Variants in SLC4A10 observed in about 807,000 individuals in gnomAD.
SLC4A10 encodes the protein sodium-driven chloride bicarbonate exchanger.
In SLC4A10, 42 loss-of-function variants were observed where a neutral mutation model predicts 137.7. The observed-to-expected ratio is 0.30, with a 90% CI of 0.24 to 0.39. The LOEUF (loss-of-function observed/expected upper bound fraction) is 0.39. SLC4A10 is among the 10% of genes least tolerant of loss of function. The probability of loss-of-function intolerance (pLI) is 1.00; values close to 1 mark genes in which losing one functional copy is unlikely to be tolerated. For missense variants in SLC4A10, 925 were observed against 1,355.0 expected (o/e 0.68, Z 4.98); for synonymous variants, 474 against 464.1 (o/e 1.02, Z -0.27).
chr2:161,859,979 T>G (rs1302402902), intron 5 of SLC4A10, among the ~76,000 whole-genome samples: 1 of 152,242 alleles, frequency 6.6e-6, no homozygotes, highest in African/African-American at 2.4e-5. Flanking sequence ...GACTTCACTC[T>G]GGACCCAACG....
In SLC4A10 at chr2:161,765,565, A is replaced by G. The variant is rs183989652; in HGVS notation, c.49-5408A>G. Among the ~76,000 whole-genome samples the G allele has an allele frequency of 1.2e-4, 18 of 150,488 alleles. No individual in the cohort carries two copies. The East Asian group carries it at 3.6e-3, about 30-fold the overall frequency. The stretch of plus-strand genomic sequence containing the variant: ...AGGAGGCAGAGGTTGCAGTGAGCTG[A>G]GATCATGCCACTGTACTCCAGCCTG... On this transcript the variant is annotated intron_variant, in intron 1 of 26. Coordinates refer to ENST00000446997, the MANE Select transcript of SLC4A10 (RefSeq NM_001178015.2).
At chr2:161,802,199 A>G (rs1190840820) in intron 2 of SLC4A10, among the ~76,000 whole-genome samples, 1 of 152,100 alleles carries the variant, frequency 6.6e-6, no homozygotes, top group Non-Finnish European at 1.5e-5. Context: ...GGTTTGCCAG[A>G]GGATTAATCT....
intron 5 of SLC4A10, among the ~76,000 whole-genome samples, chr2:161,858,693 G>A (rs1352355901): frequency 6.6e-6 from 1 of 152,114 alleles, no homozygotes; most frequent in Non-Finnish European, 1.5e-5. Flanking sequence ...AAAGATTAAT[G>A]ATGGAAATAT....
chr2:161,671,598 G>T (rs2039728682), intron 1 of SLC4A10, among the ~76,000 whole-genome samples: 1 of 152,142 alleles, frequency 6.6e-6, no homozygotes, highest in Non-Finnish European at 1.5e-5. Flanking sequence ...CTCACCACCT[G>T]GGTGACAGGA....
At chr2:161,740,408 C>T (rs1020018773) in intron 1 of SLC4A10, among the ~76,000 whole-genome samples, 83 of 152,178 alleles carry the variant, frequency 5.5e-4, no homozygotes, top group Non-Finnish European at 9.8e-4. Flanking sequence ...TGGAACTCTT[C>T]TGGGCACTGT....
At chr2:161,891,090 ATTTCT>A (rs2062858805) in intron 10 of SLC4A10, among the ~76,000 whole-genome samples, 2 of 152,098 alleles carry the variant, frequency 1.3e-5, no homozygotes, top group African/African-American at 4.8e-5. Context: ...CTGGGTTGAA[ATTTCT>A]TTTCTTTAAG....
intron 21 of SLC4A10, 43 bp from the exon 22 acceptor site, chr2:161,964,092 T>G: frequency 6.6e-7 from 1 of 1,504,314 alleles, no homozygotes; most frequent in African/African-American, 1.4e-5. Flanking sequence ...ACTTTTATTG[T>G]TGTCTTACAC....
chr2:161,959,736 A>G (rs777951100), intron 21 of SLC4A10, among the ~76,000 whole-genome samples: 5 of 152,228 alleles, frequency 3.3e-5, no homozygotes, highest in African/African-American at 7.2e-5. Context: ...GCTATCCACT[A>G]CTAAGTCCAG....
chr2:161,651,726 C>CT (rs1350423134), intron 1 of SLC4A10, among the ~76,000 whole-genome samples: 2 of 152,352 alleles, frequency 1.3e-5, no homozygotes, highest in African/African-American at 4.8e-5. Flanking sequence ...CTGGAGCTGC[C>CT]TGCCCCACCA....
At chr2:161,949,119 T>C (rs1694343823) in intron 17 of SLC4A10, 29 bp from the exon 18 acceptor site, 6 of 1,455,692 alleles carry the variant, frequency 4.1e-6, no homozygotes, top group Non-Finnish European at 5.8e-6. Context: ...ATAGCTACTT[T>C]AAGTGACAAG....
At chr2:161,696,765 T>TA (rs1485583295) in intron 1 of SLC4A10, among the ~76,000 whole-genome samples, 1 of 152,128 alleles carries the variant, frequency 6.6e-6, no homozygotes, top group African/African-American at 2.4e-5. Flanking sequence ...ACAATAAACA[T>TA]ACGTGTGCAT....
intron 1 of SLC4A10, among the ~76,000 whole-genome samples, chr2:161,639,625 C>T (rs957675249): frequency 6.6e-6 from 1 of 152,048 alleles, no homozygotes. Flanking sequence ...CATACCTTAA[C>T]ACAATAAAGG....
At chr2:161,629,193 C>T (rs1436675941) in intron 1 of SLC4A10, among the ~76,000 whole-genome samples, 1 of 151,770 alleles carries the variant, frequency 6.6e-6, no homozygotes, top group African/African-American at 2.4e-5. Context: ...TGTGAGGACA[C>T]CATTGTCAAT....
intron 1 of SLC4A10, among the ~76,000 whole-genome samples, chr2:161,687,771 C>T (rs1178842269): frequency 6.6e-6 from 1 of 152,144 alleles, no homozygotes; most frequent in Non-Finnish European, 1.5e-5. Flanking sequence ...GTGAGTCTCA[C>T]GAGATCTCAT....
intron 2 of SLC4A10, among the ~76,000 whole-genome samples, chr2:161,792,984 G>A (rs1297433875): frequency 6.6e-6 from 1 of 152,022 alleles, no homozygotes; most frequent in African/African-American, 2.4e-5. Context: ...GATGTTCTTG[G>A]TTTGGGGGAT....
intron 3 of SLC4A10, among the ~76,000 whole-genome samples, chr2:161,809,104 A>G (rs770733695): frequency 1.3e-5 from 2 of 152,132 alleles, no homozygotes; most frequent in Non-Finnish European, 2.9e-5. Flanking sequence ...AATGTTCACC[A>G]TTCTGACTGG....
rs752240236 is a variant in SLC4A10, at chr2:161,833,987, GA to G, written c.278-5799del. Among the ~76,000 whole-genome samples the G allele has an allele frequency of 3.9e-5, 6 of 152,308 alleles. No individual in the cohort carries two copies. The East Asian group carries it at 1.2e-3, about 29-fold the overall frequency. On this transcript the variant is annotated intron_variant, in intron 3 of 26. Coordinates refer to ENST00000446997, the MANE Select transcript of SLC4A10 (RefSeq NM_001178015.2). ...TCAGCCTCTATGTGGATAATAAGAT[GA>G]AAGGGTTAAGATTTTATATAAACTT...
At chr2:161,898,856 A>G (rs1414024860) in intron 11 of SLC4A10, among the ~76,000 whole-genome samples, 1 of 152,112 alleles carries the variant, frequency 6.6e-6, no homozygotes, top group African/African-American at 2.4e-5. Context: ...TCATGACCAC[A>G]TACCTCAAGT....
chr2:161,775,949 T>A (rs759250408), intron 2 of SLC4A10, among the ~76,000 whole-genome samples: 2 of 151,922 alleles, frequency 1.3e-5, no homozygotes, highest in Non-Finnish European at 2.9e-5. Flanking sequence ...TTCAGCCATT[T>A]TGAATGCAGT....
Sources: allele counts gnomAD v4.1 joint callset (sites outside exome capture counted in the v4.1 genomes callset), GRCh38; gene constraint gnomAD v4.1.1; transcripts MANE v1.5; gene names NCBI Gene and HGNC (gene_info 2026-07-23, HGNC 2026-07-21).